Variants in GRIK4 observed in about 807,000 individuals in gnomAD.
The protein encoded by GRIK4 is glutamate ionotropic receptor kainate type subunit 4.
GRIK4 carries 40 observed loss-of-function variants against 104.9 expected under a neutral mutation model. The observed-to-expected ratio is 0.38, with a 90% CI of 0.30 to 0.50. The LOEUF is 0.50. Ranked by LOEUF, GRIK4 falls within the 20% of genes least tolerant of loss-of-function variation. The pLI, the probability that GRIK4 is intolerant of heterozygous loss-of-function variation, is 0.93. For synonymous variants in GRIK4, 485 were observed against 524.9 expected (o/e 0.92, Z 1.04); for missense variants, 1,047 against 1,308.1 (o/e 0.80, Z 3.08).
At chr11:120,548,539 G>A (rs1012356199) in intron 1 of GRIK4, among the ~76,000 whole-genome samples, 3 of 152,094 alleles carry the variant, frequency 2.0e-5, no homozygotes, top group African/African-American at 7.2e-5. Context: ...GAGGCACCTC[G>A]GTCCCCACAG....
At chr11:120,627,836 A>G (rs1169875664) in intron 1 of GRIK4, among the ~76,000 whole-genome samples, 1 of 152,214 alleles carries the variant, frequency 6.6e-6, no homozygotes, top group African/African-American at 2.4e-5. Flanking sequence ...GCATGAAATC[A>G]TTCTTCAAGT....
chr11:120,755,359 C>T (rs1951633837), intron 3 of GRIK4, among the ~76,000 whole-genome samples: 1 of 152,138 alleles, frequency 6.6e-6, no homozygotes, highest in African/African-American at 2.4e-5. Flanking sequence ...ATAATCCCAG[C>T]ACTTTGGAGG....
At chr11:120,712,346 A>G (rs1012668552) in intron 3 of GRIK4, among the ~76,000 whole-genome samples, 2 of 152,180 alleles carry the variant, frequency 1.3e-5, no homozygotes, top group Non-Finnish European at 2.9e-5. Flanking sequence ...AAAAGAAACC[A>G]GGCCTGCTGG....
chr11:120,637,181 C>T (rs192007661), intron 1 of GRIK4, among the ~76,000 whole-genome samples: 57 of 150,612 alleles, frequency 3.8e-4, no homozygotes, highest in Middle Eastern at 3.4e-3. Context: ...TTTTTCCAGA[C>T]GCCAGGTGGG....
chr11:120,631,705 A>C (rs904705844), intron 1 of GRIK4, among the ~76,000 whole-genome samples: 3 of 152,136 alleles, frequency 2.0e-5, no homozygotes, highest in Non-Finnish European at 2.9e-5. Context: ...TAATTTTCTC[A>C]TAATTTAGGG....
intron 1 of GRIK4, among the ~76,000 whole-genome samples, chr11:120,532,347 G>A (rs1489414810): frequency 1.3e-5 from 2 of 152,134 alleles, no homozygotes; most frequent in East Asian, 3.9e-4. Flanking sequence ...GTCCGCCCTG[G>A]GTGTGGACCC....
intron 1 of GRIK4, among the ~76,000 whole-genome samples, chr11:120,559,616 A>C (rs1948219673): frequency 6.6e-6 from 1 of 152,148 alleles, no homozygotes; most frequent in South Asian, 2.1e-4. Flanking sequence ...TGGTTTGATC[A>C]TTTTTTCATT....
At chr11:120,761,214 T>C (rs1480268701) in intron 3 of GRIK4, among the ~76,000 whole-genome samples, 2 of 152,232 alleles carry the variant, frequency 1.3e-5, no homozygotes, top group Admixed American at 6.5e-5. Flanking sequence ...GTGAGCTTTT[T>C]TTCATGTGTT....
chr11:120,559,305 C>T (rs568077408), intron 1 of GRIK4, among the ~76,000 whole-genome samples: 3 of 152,296 alleles, frequency 2.0e-5, no homozygotes, highest in East Asian at 3.9e-4. Context: ...TAAATGAGCT[C>T]GTGGGCACCA....
chr11:120,614,139 C>T (rs1949074385), intron 1 of GRIK4, among the ~76,000 whole-genome samples: 1 of 152,214 alleles, frequency 6.6e-6, no homozygotes, highest in African/African-American at 2.4e-5. Context: ...CAGTGCCTGG[C>T]CTGCCCCCCA....
chr11:120,841,357 A>G (rs960182928), intron 8 of GRIK4, among the ~76,000 whole-genome samples: 1 of 152,222 alleles, frequency 6.6e-6, no homozygotes, highest in Non-Finnish European at 1.5e-5. Flanking sequence ...TATAAGTGGA[A>G]TCATATAATA....
At chr11:120,608,779 C>T (rs1343196340) in intron 1 of GRIK4, among the ~76,000 whole-genome samples, 1 of 152,222 alleles carries the variant, frequency 6.6e-6, no homozygotes, top group Non-Finnish European at 1.5e-5. Context: ...CCTCTGCCCC[C>T]AGCCCCACCC....
chr11:120,708,627 G>A (rs528434567), intron 3 of GRIK4, among the ~76,000 whole-genome samples: 5 of 152,304 alleles, frequency 3.3e-5, no homozygotes, highest in Non-Finnish European at 7.4e-5. Flanking sequence ...ACGTGAACGG[G>A]CTCCAGAGGA....
intron 3 of GRIK4, among the ~76,000 whole-genome samples, chr11:120,745,884 T>C (rs1951430114): frequency 6.6e-6 from 1 of 152,156 alleles, no homozygotes; most frequent in African/African-American, 2.4e-5. Flanking sequence ...ATGAGCCCCT[T>C]TGCAACCTCA....
At chr11:120,871,043 C>T (rs937577418) in intron 9 of GRIK4, 57 of 154,668 alleles carry the variant, frequency 3.7e-4, no homozygotes, top group Middle Eastern at 3.4e-3. Context: ...CCACTGCGCC[C>T]GGCCGGATGA....
At chr11:120,640,818 C>T (rs1314273809) in intron 1 of GRIK4, among the ~76,000 whole-genome samples, 1 of 152,300 alleles carries the variant, frequency 6.6e-6, no homozygotes, top group South Asian at 2.1e-4. Flanking sequence ...CAGCAGTTCC[C>T]CTGCCTCAGC....
intron 3 of GRIK4, among the ~76,000 whole-genome samples, chr11:120,717,572 G>C (rs780048297): frequency 1.3e-5 from 2 of 151,920 alleles, no homozygotes; most frequent in Non-Finnish European, 2.9e-5. Flanking sequence ...AAAAAAAAGC[G>C]ATGGGAGAAC....
chr11:120,725,296 T>C (rs1004698412), intron 3 of GRIK4, among the ~76,000 whole-genome samples: 45 of 152,288 alleles, frequency 3.0e-4, no homozygotes, highest in African/African-American at 9.4e-4. Flanking sequence ...TTTAGGAAAA[T>C]GTTCATGTTC....
chr11:120,581,447 C>T (rs1948579220), intron 1 of GRIK4, among the ~76,000 whole-genome samples: 1 of 152,146 alleles, frequency 6.6e-6, no homozygotes, highest in Non-Finnish European at 1.5e-5. Context: ...TTATCTCAAC[C>T]ATTTTAAATG....
Sources: gnomAD v4.1 joint callset for allele counts (sites outside exome capture counted in the v4.1 genomes callset) on GRCh38, gnomAD v4.1.1 for gene constraint, MANE v1.5 for transcripts, NCBI Gene and HGNC (gene_info 2026-07-23, HGNC 2026-07-21) for gene names.